Variants in MAPK14 observed in about 807,000 individuals in gnomAD.
MAPK14 encodes the protein mitogen-activated protein kinase 14.
Under a neutral mutation model 49.6 loss-of-function variants are expected in MAPK14, and 16 were observed. The observed-to-expected ratio is 0.32, with a 90% CI of 0.22 to 0.49. MAPK14 has a LOEUF of 0.49. Among genes scored for constraint, MAPK14 ranks in the 20% least tolerant of loss-of-function variants. The pLI, the probability that MAPK14 is intolerant of heterozygous loss-of-function variation, is 0.99. For synonymous variants in MAPK14, 142 were observed against 158.0 expected (o/e 0.90, Z 0.76); for missense variants, 200 against 441.2 (o/e 0.45, Z 4.90).
chr6:36,039,753 C>G (rs1581734799), intron 1 of MAPK14, among the ~76,000 whole-genome samples: 1 of 152,010 alleles, frequency 6.6e-6, no homozygotes, highest in East Asian at 1.9e-4. Flanking sequence ...GCCTGTAATC[C>G]CAGCACTTTG....
intron 3 of MAPK14, among the ~76,000 whole-genome samples, chr6:36,071,352 A>G (rs1445562223): frequency 1.3e-5 from 2 of 151,898 alleles, no homozygotes; most frequent in Non-Finnish European, 2.9e-5. Flanking sequence ...AAAAAAAATC[A>G]GCCTTTTTAG....
chr6:36,086,507 GA>G (rs1233582138), intron 8 of MAPK14, among the ~76,000 whole-genome samples: 29 of 152,208 alleles, frequency 1.9e-4, no homozygotes, highest in African/African-American at 6.8e-4. Context: ...ACAACTATCA[GA>G]GAATACTATA....
intron 9 of MAPK14, among the ~76,000 whole-genome samples, chr6:36,100,020 A>G (rs2071865): frequency 6.6e-6 from 1 of 152,320 alleles, no homozygotes; most frequent in African/African-American, 2.4e-5. Context: ...TACTCATGTC[A>G]TTCACAGAAG....
intron 4 of MAPK14, 177 bp downstream of exon 4, chr6:36,073,161 G>A (rs1186160051): frequency 3.2e-5 from 19 of 596,686 alleles, no homozygotes; most frequent in South Asian, 1.3e-4. Context: ...AACAGTTACC[G>A]ACATATGGCC....
intron 8 of MAPK14, chr6:36,092,444 C>T (rs1765273835): frequency 1.5e-6 from 1 of 662,774 alleles, no homozygotes; most frequent in Non-Finnish European, 2.8e-6. Flanking sequence ...GAAGCGTTCT[C>T]TGCAGCACAG....
At chr6:36,039,470 GGT>G (rs3840165) in intron 1 of MAPK14, among the ~76,000 whole-genome samples, 24,334 of 151,434 alleles carry the variant, frequency 0.16, 2,647 homozygotes, top group African/African-American at 0.32. Flanking sequence ...TATGAAGGAA[GGT>G]GTGTGTGTGT....
At chr6:36,043,001 G>A (rs2127405211) in intron 1 of MAPK14, among the ~76,000 whole-genome samples, 1 of 152,144 alleles carries the variant, frequency 6.6e-6, no homozygotes, top group South Asian at 2.1e-4. Flanking sequence ...GTGTGCCTCA[G>A]TAGTAGCAGC....
Position 36,108,809 on chromosome 6 carries a change from A to G in MAPK14, c.*362A>G, listed in dbSNP as rs183258810. On this transcript the variant is annotated 3_prime_UTR_variant, in exon 12 of 12. Coordinates refer to ENST00000229794, the MANE Select transcript of MAPK14 (RefSeq NM_139012.3). ...ATATGAATTGTCCCCAATCCCGGTC[A>G]TGCTTTTGCCACTTTGGCTTCTCCT... 14 of 239,776 alleles carry G rather than the reference A, an allele frequency of 5.8e-5. No homozygotes were observed. The highest frequency in any genetic ancestry group is 2.3e-4 in the African/African-American group (10 of 43,812). The allele number at this position is 239,776 out of a possible 1,614,324, so 14.9% of individuals were successfully genotyped here.
At chr6:36,069,344 T>C (rs1025127635) in intron 3 of MAPK14, among the ~76,000 whole-genome samples, 5 of 152,204 alleles carry the variant, frequency 3.3e-5, no homozygotes, top group Non-Finnish European at 7.4e-5. Flanking sequence ...CTTTGCATGA[T>C]GCTTGCTTTT....
intron 8 of MAPK14, among the ~76,000 whole-genome samples, chr6:36,081,919 G>A (rs576818598): frequency 6.6e-6 from 1 of 151,184 alleles, no homozygotes; most frequent in South Asian, 2.1e-4. Flanking sequence ...TTTTTTTTCA[G>A]CAGTGTTTTA....
chr6:36,076,087 AGCCT>A, intron 7 of MAPK14, 125 bp downstream of exon 7: 2 of 967,072 alleles, frequency 2.1e-6, no homozygotes, highest in Non-Finnish European at 1.5e-6. Context: ...ATCCTTTTAA[AGCCT>A]GCAAGTAAAA....
the MAPK14 span, among the ~76,000 whole-genome samples, chr6:36,123,575 A>T: frequency 3.1e-4 from 47 of 151,992 alleles, no homozygotes; most frequent in African/African-American, 1.1e-3. Flanking sequence ...GAGACACAAA[A>T]CTCCTTGGTT....
rs1191493870 is a variant in MAPK14 at position 36,073,681 on chromosome 6, T to C, written c.418-10T>C. 6.2e-7 allele frequency: 1 copy of C among 1,610,212 alleles called. No individual in the cohort carries two copies. Among genetic ancestry groups the C allele is most frequent in the Non-Finnish European group, 8.5e-7 (1 of 1,178,242 alleles). ...GTTGGAGGTAACTTTGACTTTTTTC[T>C]CTTTTGCAGTATATACATTCAGCTG... On this transcript the variant is annotated splice_polypyrimidine_tract_variant and intron_variant, in intron 4 of 11. Transcript: ENST00000229794.
At chr6:36,033,331 T>TC in intron 1 of MAPK14, among the ~76,000 whole-genome samples, 1 of 152,138 alleles carries the variant, frequency 6.6e-6, no homozygotes, top group Non-Finnish European at 1.5e-5. Context: ...TTTTTTTTTT[T>TC]TTTGAGACGG....
the MAPK14 span, among the ~76,000 whole-genome samples, chr6:36,116,308 T>G: frequency 6.6e-6 from 1 of 152,160 alleles, no homozygotes; most frequent in Admixed American, 6.5e-5. Context: ...TAAGCAACTC[T>G]TGGTAAAAAT....
chr6:36,086,584 C>T (rs1489516529), intron 8 of MAPK14, among the ~76,000 whole-genome samples: 1 of 152,118 alleles, frequency 6.6e-6, no homozygotes, highest in African/African-American at 2.4e-5. Flanking sequence ...CACATATGAC[C>T]TCCCAAGACT....
chr6:36,044,303 CAA>C (rs1012052929), intron 1 of MAPK14, among the ~76,000 whole-genome samples: 3 of 152,138 alleles, frequency 2.0e-5, no homozygotes, highest in African/African-American at 7.2e-5. Context: ...ACAAATTACT[CAA>C]AGACTTGCTG....
At chr6:36,080,660 A>G (rs1764719114) in intron 8 of MAPK14, among the ~76,000 whole-genome samples, 1 of 152,190 alleles carries the variant, frequency 6.6e-6, no homozygotes, top group Admixed American at 6.5e-5. Flanking sequence ...GAACATTGTC[A>G]TACAAGCATC....
At chr6:36,046,542 C>A (rs1247371438) in intron 1 of MAPK14, among the ~76,000 whole-genome samples, 1 of 152,118 alleles carries the variant, frequency 6.6e-6, no homozygotes, top group African/African-American at 2.4e-5. Flanking sequence ...ATTCTCATTT[C>A]ATGAAAGAAT....
Sources: gnomAD v4.1 joint callset for allele counts (sites outside exome capture counted in the v4.1 genomes callset) on GRCh38, gnomAD v4.1.1 for gene constraint, MANE v1.5 for transcripts, NCBI Gene and HGNC (gene_info 2026-07-23, HGNC 2026-07-21) for gene names.